The following CIZ1 variants were observed in gnomAD, a reference collection of about 807,000 sequenced individuals.
The protein encoded by CIZ1 is cip1-interacting zinc finger protein.
A neutral mutation model predicts 118.6 loss-of-function variants in CIZ1; 58 were observed. The observed-to-expected ratio is 0.49, with a 90% CI of 0.40 to 0.61. CIZ1 has a LOEUF of 0.61. Ranked by LOEUF, CIZ1 falls within the 20% of genes least tolerant of loss-of-function variation. The pLI is 0.00. For missense variants in CIZ1, 921 were observed against 1,115.9 expected (o/e 0.83, Z 2.49); for synonymous variants, 448 against 443.4 (o/e 1.01, Z -0.13).
At chr9:128,182,861 T>C (rs1341826055) in intron 5 of CIZ1, among the ~76,000 whole-genome samples, 1 of 152,034 alleles carries the variant, frequency 6.6e-6, no homozygotes, top group Non-Finnish European at 1.5e-5. Context: ...TGGGCTCAAC[T>C]GATCCTCCTG....
At chr9:128,172,537 T>A (rs561686799) in intron 11 of CIZ1, among the ~76,000 whole-genome samples, 1 of 152,006 alleles carries the variant, frequency 6.6e-6, no homozygotes, top group Non-Finnish European at 1.5e-5. Flanking sequence ...AAATAAGGAC[T>A]CTCTATAAAA....
upstream of CIZ1, chr9:128,191,783 C>G (rs45491292): frequency 2.4e-4 from 345 of 1,427,744 alleles, 4 homozygotes; most frequent in African/African-American, 4.2e-3. This position sits in a 1 kb window ranked among gnomAD's most constrained non-coding sequence, Gnocchi z 5.5. Flanking sequence ...AGACCAAGGT[C>G]CGTCTGCCGC....
chr9:128,190,156 A>G (rs1486489831), intron 3 of CIZ1, among the ~76,000 whole-genome samples, 173 bp downstream of exon 3: 1 of 152,234 alleles, frequency 6.6e-6, no homozygotes, highest in Non-Finnish European at 1.5e-5. Flanking sequence ...CTGCATTCAA[A>G]TTAGCAGCTT....
Position 128,176,436 on chromosome 9 carries a change from G to A in CIZ1, c.1858C>T (p.Arg620Trp), listed in dbSNP as rs924229833. ...DHMSEPQHQQ[R>W]LGEIQHMSQA... ...CTCATGTGCTGGATCTCCCCTAGCC[G>A]CTGCTGGTGCTGAGGCTCCGACATG... The change falls in exon 11 of 17, where the codon CGG becomes TGG. Residue 620 changes from arginine to tryptophan, a missense_variant. By Grantham distance (101) the Arg-to-Trp change is moderately radical (BLOSUM62 -3). Coordinates refer to ENST00000372938, the MANE Select transcript of CIZ1 (RefSeq NM_001131016.2). 4.3e-6 allele frequency: 7 copies of A among 1,613,746 alleles called. No individual in the cohort carries two copies. The highest frequency in any genetic ancestry group is 5.9e-6 in the Non-Finnish European group (7 of 1,179,928).
intron 7 of CIZ1, 123 bp downstream of exon 7, chr9:128,180,292 A>G: frequency 1.4e-6 from 1 of 715,256 alleles, no homozygotes; most frequent in South Asian, 1.7e-5. Context: ...ATCAGAGGCC[A>G]AGGCCCTTTC....
Position 128,179,098 on chromosome 9 carries a change from T to C in CIZ1, c.1109A>G (p.Glu370Gly), listed in dbSNP as rs45554035. The stretch of plus-strand genomic sequence containing the variant: ...CTGTGGCTGCACCTGCTTCTGTGGC[T>C]CTGCCTCCTGCTGCAGCTGTGGCTG... Reference protein sequence around the residue: ...QVQPQLQQEAEPQKQVQPQVQ... With the variant: ...QVQPQLQQEAGPQKQVQPQVQ... The change falls in exon 8 of 17, where the codon GAG (glutamate) becomes GGG (glycine). Residue 370 changes from glutamate to glycine, a missense_variant. Glu to Gly is a moderately conservative substitution (Grantham distance 98). Coordinates refer to ENST00000372938, the MANE Select transcript of CIZ1 (RefSeq NM_001131016.2). The C allele has an allele frequency of 1.6e-3, 2,653 of 1,613,978 alleles. 55 individuals carry two copies. In the African/African-American group the frequency reaches 0.032, roughly 19 times the overall value.
Position 128,178,777 on chromosome 9 carries a change from T to C in CIZ1, c.1430A>G (p.Glu477Gly). ...GACATGAACCACAACTGGTGTTTGC[T>C]CTGGAGCCAGCAACGACACCTGCGG... is the stretch of plus-strand genomic sequence containing the variant. ...TQPQVSLLAP[E>G]QTPVVVHVCG... The change falls in exon 8 of 17, where the codon GAG becomes GGG. Residue 477 changes from glutamate (E) to glycine (G), a missense_variant. Physicochemically the swap from Glu to Gly is moderately conservative, Grantham distance 98 (BLOSUM62 -2). Coordinates refer to ENST00000372938, the MANE Select transcript of CIZ1 (RefSeq NM_001131016.2). 2 of 1,614,244 alleles carry C rather than the reference T, an allele frequency of 1.2e-6. No homozygotes were observed. The highest frequency in any genetic ancestry group is 1.7e-6 in the Non-Finnish European group (2 of 1,180,040).
upstream of CIZ1, chr9:128,191,801 G>A: frequency 6.9e-7 from 1 of 1,448,272 alleles, no homozygotes; most frequent in Non-Finnish European, 9.1e-7. The surrounding 1 kb of genome is among the most constrained non-coding windows in gnomAD (Gnocchi z 5.5). Context: ...CGCCCGGAAG[G>A]GTCAGCCATC....
chr9:128,200,162 G>A (rs1046777171), intron 1 of CIZ1: 1 of 151,868 alleles, frequency 6.6e-6, no homozygotes, highest in African/African-American at 2.4e-5. Context: ...CAGCAGTATA[G>A]GATACTTAGT....
At chr9:128,192,349 G>T (rs1438327536), upstream of CIZ1, among the ~76,000 whole-genome samples, 1 of 142,202 alleles carries the variant, frequency 7.0e-6, no homozygotes, top group African/African-American at 2.6e-5. Context: ...CAGCCTGAGC[G>T]ACAGAGCAAG....
intron 6 of CIZ1, 32 bp downstream of exon 6, chr9:128,180,689 C>T (rs1368541056): frequency 6.5e-7 from 1 of 1,531,002 alleles, no homozygotes; most frequent in African/African-American, 1.4e-5. Context: ...CATTCATGTC[C>T]CTCTGAAGGG....
At chr9:128,181,721 G>A (rs534363108) in intron 5 of CIZ1, among the ~76,000 whole-genome samples, 15 of 146,130 alleles carry the variant, frequency 1.0e-4, no homozygotes, top group African/African-American at 3.4e-4. Context: ...AGTAGCAAAA[G>A]GCGTCAAGGA....
Position 128,191,157 on chromosome 9 carries a change from C to A in CIZ1, c.-6+275G>T, listed in dbSNP as rs1200238922. On this transcript the variant is annotated intron_variant, in intron 1 of 16. Coordinates refer to ENST00000372938, the MANE Select transcript of CIZ1 (RefSeq NM_001131016.2). The surrounding 1 kb of genome is among the most constrained non-coding windows in gnomAD (Gnocchi z 5.5). ...CTCCATTTCTGGCGGCTCCATCCTC[C>A]CACCCTCAGCCTCAGCCTCTCTCTG... 2 of 500,320 alleles carry A rather than the reference C, an allele frequency of 4.0e-6. No homozygotes were observed. The highest frequency in any genetic ancestry group is 3.5e-6 in the Non-Finnish European group (1 of 283,366). The allele number at this position is 500,320 out of a possible 1,614,324, so 31.0% of individuals were successfully genotyped here. A position where few individuals can be genotyped will look rare whatever the true frequency, so the allele number is the denominator to read the frequency against.
intron 5 of CIZ1, among the ~76,000 whole-genome samples, chr9:128,181,780 G>T (rs1250947666): frequency 9.2e-6 from 1 of 108,232 alleles, no homozygotes; most frequent in Non-Finnish European, 2.0e-5. Flanking sequence ...GGGGGGGGGG[G>T]TCTCCCTTTC....
intron 14 of CIZ1, chr9:128,167,462 C>A: frequency 5.2e-6 from 2 of 387,854 alleles, no homozygotes; most frequent in Non-Finnish European, 9.3e-6. Context: ...TGTCATTTGA[C>A]TGAATCCTCA....
rs1588101002 is a variant in CIZ1, at chr9:128,166,668, A to C, written c.2487+91T>G. 7 of 1,523,782 alleles carry C rather than the reference A, an allele frequency of 4.6e-6. No homozygotes were observed. The South Asian group carries it at 8.1e-5, about 18-fold the overall frequency. The allele number at this position is 1,523,782 out of a possible 1,614,324, so 94.4% of individuals were successfully genotyped here. On this transcript the variant is annotated intron_variant, in intron 16 of 16. Transcript: ENST00000372938. The surrounding 1 kb of genome is among the most constrained non-coding windows in gnomAD (Gnocchi z 4.4). Reference sequence around the variant, plus strand: ...TGGTGCCTGGGGATTGAGGCCCTGCACAAGAGGGAGTGGCCACTAGCCACC... The same window carrying C: ...TGGTGCCTGGGGATTGAGGCCCTGCCCAAGAGGGAGTGGCCACTAGCCACC...
At position 128,178,507 on chromosome 9, in the gene CIZ1, G is replaced by A. The variant is rs747200513; in HGVS notation, c.1499-17C>T. ...TTTCCATGCCTGAAATGACAGATGT[G>A]CTGTATTTCCCAGAGTCCCCAGGCC... On this transcript the variant is annotated splice_polypyrimidine_tract_variant and intron_variant, in intron 8 of 16. Coordinates refer to ENST00000372938, the MANE Select transcript of CIZ1 (RefSeq NM_001131016.2). 3 of 1,614,098 alleles carry A rather than the reference G, an allele frequency of 1.9e-6. No individual in the cohort carries two copies. Among genetic ancestry groups the A allele is most frequent in the East Asian group, 4.5e-5 (2 of 44,894 alleles).
intron 1 of CIZ1, among the ~76,000 whole-genome samples, chr9:128,201,710 C>G (rs1833526006): frequency 6.6e-6 from 1 of 152,144 alleles, no homozygotes; most frequent in South Asian, 2.1e-4. Context: ...TAATAAGGGC[C>G]CCCTGAGCAC....
At chr9:128,177,526 A>C (rs1403934479) in intron 10 of CIZ1, 40 bp downstream of exon 10, 1 of 1,242,436 alleles carries the variant, frequency 8.0e-7, no homozygotes, top group Non-Finnish European at 1.1e-6. Context: ...CATTCCACGC[A>C]GGCCCCACCC....
Sources: gnomAD v4.1 joint callset for allele counts (sites outside exome capture counted in the v4.1 genomes callset) on GRCh38, gnomAD v4.1.1 for gene constraint, Gnocchi (gnomAD v3.1) non-coding constraint, MANE v1.5 for transcripts, NCBI Gene and HGNC (gene_info 2026-07-23, HGNC 2026-07-21) for gene names.